Variants in SAP130 observed in about 807,000 individuals in gnomAD.
SAP130 encodes histone deacetylase complex subunit SAP130.
SAP130 carries 16 observed loss-of-function variants against 103.2 expected under a neutral mutation model. The observed-to-expected ratio is 0.16, with a 90% CI of 0.10 to 0.24. The LOEUF is 0.24. Ranked by LOEUF, SAP130 falls within the 10% of genes least tolerant of loss-of-function variation. The pLI, the probability that SAP130 is intolerant of heterozygous loss-of-function variation, is 1.00. For synonymous variants in SAP130, 477 were observed against 497.0 expected, an observed-to-expected ratio of 0.96 and a Z score of 0.53; for missense variants, 990 against 1,359.7, an observed-to-expected ratio of 0.73 and a Z score of 4.28.
Position 127,955,232 on chromosome 2 carries a change from C to T in SAP130, c.2176G>A (p.Ala726Thr). ...DQPTIAVPPTAQQPPPTIPTM... is the reference protein window; with the variant it reads ...DQPTIAVPPTTQQPPPTIPTM... ...GGAATGGTCGGTGGGGGCTGCTGGG[C>T]AGTTGGAGGGACGGCAATGGTAGGC... The change falls in exon 16 of 21, where the codon GCC becomes ACC. Residue 726 changes from alanine (A) to threonine (T), a missense_variant. Around this residue, in one of 6 missense-constraint regions of SAP130, gnomAD observed 349 missense variants for 384.1 expected, o/e 0.91. Coordinates refer to ENST00000643581, the MANE Select transcript of SAP130 (RefSeq NM_001330301.2). The surrounding 1 kb of genome is among the most constrained non-coding windows in gnomAD (Gnocchi z 4.9). The T allele has an allele frequency of 6.2e-7, 1 of 1,613,932 alleles. No individual in the cohort carries two copies. The highest frequency in any genetic ancestry group is 1.6e-4 in the Middle Eastern group (1 of 6,062).
intron 12 of SAP130, among the ~76,000 whole-genome samples, chr2:127,991,624 A>G (rs6747912): frequency 0.75 from 113,855 of 152,098 alleles, 42,855 homozygotes; most frequent in East Asian, 0.83. Context: ...GAGCCACCGC[A>G]CCTGGCCTAA....
chr2:127,999,209 T>C (rs2105079109), intron 10 of SAP130, among the ~76,000 whole-genome samples: 1 of 152,254 alleles, frequency 6.6e-6, no homozygotes, highest in African/African-American at 2.4e-5. Flanking sequence ...AGGGACTTCC[T>C]GGGTACTACC....
rs1260274171 is a variant in SAP130 at position 127,955,391 on chromosome 2, C to T, written c.2064-47G>A. The T allele has an allele frequency of 7.8e-7, 1 of 1,277,536 alleles. No homozygotes were observed. Among genetic ancestry groups the T allele is most frequent in the South Asian group, 1.4e-5 (1 of 70,146 alleles). 79.1% of individuals were successfully genotyped at this position (1,277,536 alleles called of 1,614,324 possible). A position where few individuals can be genotyped will look rare whatever the true frequency, so the allele number is the denominator to read the frequency against. ...CATGTAGCAAATAAGAAAAAAACTG[C>T]CTTCATCTACAACATCTCAGAGGAT... On this transcript the variant is annotated intron_variant, in intron 15 of 20. Transcript: ENST00000643581. This position sits in a 1 kb window ranked among gnomAD's most constrained non-coding sequence, Gnocchi z 4.9.
rs1682423123 is a variant in SAP130 at position 127,986,733 on chromosome 2, C to T, written c.1958+52G>A. 3 of 1,553,996 alleles carry T rather than the reference C, an allele frequency of 1.9e-6. No individual in the cohort carries two copies. Among genetic ancestry groups the T allele is most frequent in the Non-Finnish European group, 2.6e-6 (3 of 1,132,896 alleles). On this transcript the variant is annotated intron_variant, in intron 14 of 20. Transcript: ENST00000643581. The surrounding 1 kb of genome is among the most constrained non-coding windows in gnomAD (Gnocchi z 4.7). ...TAGATAAGAGTGCCTATTATGTATA[C>T]CAGTTATATCCAGAACCAGAGGTGT...
In SAP130 at chr2:127,950,422, A is replaced by T. The variant is rs1415539745; in HGVS notation, c.2423-14T>A. 1 of 1,613,670 alleles carries T rather than the reference A, an allele frequency of 6.2e-7. No homozygotes were observed. Among genetic ancestry groups the T allele is most frequent in the South Asian group, 1.1e-5 (1 of 91,046 alleles). On this transcript the variant is annotated splice_polypyrimidine_tract_variant and intron_variant, in intron 16 of 20. Coordinates refer to ENST00000643581, the MANE Select transcript of SAP130 (RefSeq NM_001330301.2). ...GTGGAGGAACTGCTGTCATAGGAAA[A>T]GGAGCACACATATCTGTAAGAACTC... is the stretch of plus-strand genomic sequence containing the variant.
chr2:127,984,809 G>T (rs1682254657), intron 14 of SAP130, among the ~76,000 whole-genome samples: 1 of 152,196 alleles, frequency 6.6e-6, no homozygotes, highest in South Asian at 2.1e-4. Context: ...TGCAGAGTTT[G>T]AACTTTCAGG....
At chr2:127,982,087 T>C (rs539277200) in intron 14 of SAP130, among the ~76,000 whole-genome samples, 1 of 151,954 alleles carries the variant, frequency 6.6e-6, no homozygotes, top group East Asian at 1.9e-4. Flanking sequence ...ATTTTCTATA[T>C]ACTTCCATGA....
chr2:128,009,276 C>G (rs1684212184), intron 7 of SAP130, among the ~76,000 whole-genome samples: 1 of 152,016 alleles, frequency 6.6e-6, no homozygotes, highest in South Asian at 2.1e-4. Context: ...TCACGACCAA[C>G]CTGGGCAACA....
chr2:127,983,526 C>T (rs1485244253), intron 14 of SAP130, among the ~76,000 whole-genome samples: 1 of 152,132 alleles, frequency 6.6e-6, no homozygotes, highest in African/African-American at 2.4e-5. Context: ...CCACTTTAGA[C>T]AGCTGCAGGG....
intron 3 of SAP130, among the ~76,000 whole-genome samples, chr2:128,017,150 C>T (rs1165803743): frequency 6.6e-6 from 1 of 152,084 alleles, no homozygotes; most frequent in Non-Finnish European, 1.5e-5. Context: ...GGTGAAACGC[C>T]ATCTCTACTA....
chr2:128,012,140 T>C (rs1684440197), intron 6 of SAP130, among the ~76,000 whole-genome samples: 1 of 152,210 alleles, frequency 6.6e-6, no homozygotes. Context: ...ACAGTATTAC[T>C]TTAATGATAC....
chr2:127,945,549 T>C lies in SAP130; in HGVS notation c.2808A>G (p.Lys936=), dbSNP rs1191627467. 1.2e-6 allele frequency: 2 copies of C among 1,603,726 alleles called. No homozygotes were observed. The highest frequency in any genetic ancestry group is 2.2e-5 in the South Asian group (2 of 90,890). ...GATTAGCTATTTCCTGCAGCATAGC[T>C]TTCTTCTCCTCTGGAACCATAAAAA... The part of the protein sequence containing the change: ...YSDVRVKEEK[K]AMLQEIANQK... The change falls in exon 19 of 21, where the codon AAA becomes AAG. Residue 936 remains lysine (K), a synonymous_variant. Coordinates refer to ENST00000643581, the MANE Select transcript of SAP130 (RefSeq NM_001330301.2).
intron 12 of SAP130, 93 bp downstream of exon 12, chr2:127,993,094 A>G (rs1414849816): frequency 7.1e-7 from 1 of 1,399,380 alleles, no homozygotes; most frequent in African/African-American, 1.4e-5. Context: ...TGAAATAATT[A>G]ATCTCATACA....
At chr2:128,004,962 C>T (rs957054045) in intron 7 of SAP130, among the ~76,000 whole-genome samples, 1 of 152,126 alleles carries the variant, frequency 6.6e-6, no homozygotes, top group African/African-American at 2.4e-5. Flanking sequence ...CAGAAAGGAT[C>T]CAAAACAGGA....
At chr2:127,970,631 A>G (rs763025542) in intron 15 of SAP130, among the ~76,000 whole-genome samples, 1 of 150,692 alleles carries the variant, frequency 6.6e-6, no homozygotes, top group Non-Finnish European at 1.5e-5. Flanking sequence ...TGGAAGGACC[A>G]CTTGAGCCTA....
At position 127,950,186 on chromosome 2, in the gene SAP130, C is replaced by A. The variant is rs773230599; in HGVS notation, c.2645G>T (p.Arg882Leu). The change falls in exon 17 of 21, where the codon CGC becomes CTC. Residue 882 changes from arginine to leucine, a missense_variant. Arg to Leu is a moderately radical substitution (Grantham distance 102). This residue lies in a region of SAP130 where 61 missense variants were observed against 73.8 expected (regional missense o/e 0.83). Coordinates refer to ENST00000643581, the MANE Select transcript of SAP130 (RefSeq NM_001330301.2). ...AATATACTCCTTGGGAGGAGACTTG[C>A]GCTTCTCAGCCTTCACCAGAAGACT... ...AKSLLVKAEK[R>L]KSPPKEYIDE... The A allele has an allele frequency of 1.2e-6, 2 of 1,614,184 alleles. No homozygotes were observed. Among genetic ancestry groups the A allele is most frequent in the Non-Finnish European group, 1.7e-6 (2 of 1,180,032 alleles).
At chr2:128,010,216 A>G in intron 7 of SAP130, 53 bp downstream of exon 7, 1 of 1,557,700 alleles carries the variant, frequency 6.4e-7, no homozygotes, top group Non-Finnish European at 8.7e-7. Flanking sequence ...AAGAAAAAAG[A>G]GTGAAGGAGG....
intron 2 of SAP130, among the ~76,000 whole-genome samples, chr2:128,024,408 C>T (rs995408392): frequency 2.0e-5 from 3 of 152,066 alleles, no homozygotes; most frequent in African/African-American, 4.8e-5. Context: ...CATAAGAAAA[C>T]GCAGAGCAAT....
At chr2:127,990,937 T>TC (rs1682747997) in intron 12 of SAP130, among the ~76,000 whole-genome samples, 1 of 54,792 alleles carries the variant, frequency 1.8e-5, no homozygotes. Flanking sequence ...AAAGACTGTC[T>TC]CAAAAAAAAA....
Sources: allele counts gnomAD v4.1 joint callset (sites outside exome capture counted in the v4.1 genomes callset), GRCh38; gene constraint gnomAD v4.1.1; regional missense constraint gnomAD v4.1.1; non-coding constraint Gnocchi (gnomAD v3.1); transcripts MANE v1.5; gene names NCBI Gene and HGNC (gene_info 2026-07-23, HGNC 2026-07-21).